Variants in DENND1A observed in about 807,000 individuals in gnomAD.
DENND1A encodes the protein DENN domain-containing protein 1A.
A neutral mutation model predicts 113.7 loss-of-function variants in DENND1A; 51 were observed. The observed-to-expected ratio is 0.45, with a 90% CI of 0.36 to 0.57. The LOEUF (loss-of-function observed/expected upper bound fraction) is 0.57, where lower values mean the gene tolerates loss of function less well. Ranked by LOEUF, DENND1A falls within the 20% of genes least tolerant of loss-of-function variation. DENND1A has a pLI of 0.00. For synonymous variants in DENND1A, 565 were observed against 570.8 expected (o/e 0.99, Z 0.14); for missense variants, 1,258 against 1,395.9 (o/e 0.90, Z 1.57).
At chr9:123,714,181 A>G (rs2066819676) in intron 5 of DENND1A, among the ~76,000 whole-genome samples, 1 of 152,238 alleles carries the variant, frequency 6.6e-6, no homozygotes, top group African/African-American at 2.4e-5. Flanking sequence ...GGCTGGGACT[A>G]GCGTCCTCTC....
intron 1 of DENND1A, among the ~76,000 whole-genome samples, chr9:123,923,247 G>C (rs932653498): frequency 5.9e-5 from 9 of 152,190 alleles, no homozygotes; most frequent in African/African-American, 2.2e-4. Flanking sequence ...TGACTACAAT[G>C]GCTAAGAAAA....
intron 1 of DENND1A, among the ~76,000 whole-genome samples, chr9:123,907,750 T>C (rs1217240826): frequency 2.1e-5 from 3 of 142,622 alleles, no homozygotes. Flanking sequence ...AGAATCAATA[T>C]CGTGAAAATG....
chr9:123,488,022 C>A (rs545049982), intron 13 of DENND1A, among the ~76,000 whole-genome samples: 1 of 152,346 alleles, frequency 6.6e-6, no homozygotes, highest in East Asian at 1.9e-4. Flanking sequence ...CACAGACATC[C>A]AGCCAGCAGC....
chr9:123,734,986 C>T (rs982435994), intron 5 of DENND1A, among the ~76,000 whole-genome samples: 4 of 152,102 alleles, frequency 2.6e-5, no homozygotes, highest in African/African-American at 9.7e-5. Flanking sequence ...TGATTGCTCT[C>T]ATTACGTAGA....
intron 13 of DENND1A, among the ~76,000 whole-genome samples, chr9:123,546,467 G>A (rs965817516): frequency 2.0e-5 from 3 of 151,970 alleles, no homozygotes; most frequent in Non-Finnish European, 4.4e-5. Context: ...CAGGAGAATG[G>A]TGTGAACCTG....
intron 2 of DENND1A, among the ~76,000 whole-genome samples, chr9:123,847,842 G>A (rs946659987): frequency 2.0e-5 from 3 of 152,212 alleles, no homozygotes; most frequent in Non-Finnish European, 4.4e-5. Flanking sequence ...AGCTGAGGCA[G>A]GAGAATTGTT....
chr9:123,519,957 T>C (rs1308378808), intron 13 of DENND1A, among the ~76,000 whole-genome samples: 1 of 151,798 alleles, frequency 6.6e-6, no homozygotes, highest in Non-Finnish European at 1.5e-5. Flanking sequence ...CCCTGGAGTT[T>C]GAAACCAGCC....
chr9:123,470,583 C>A (rs182978215), intron 13 of DENND1A, among the ~76,000 whole-genome samples: 1 of 152,312 alleles, frequency 6.6e-6, no homozygotes, highest in East Asian at 1.9e-4. Flanking sequence ...ACGCAATCAG[C>A]CGCAGAACCC....
At chr9:123,693,672 C>T (rs2065313215) in intron 5 of DENND1A, among the ~76,000 whole-genome samples, 1 of 152,098 alleles carries the variant, frequency 6.6e-6, no homozygotes, top group South Asian at 2.1e-4. Flanking sequence ...CAATAGAGTT[C>T]CATGGACATG....
chr9:123,806,882 C>T (rs1835673115), intron 2 of DENND1A, among the ~76,000 whole-genome samples: 1 of 152,206 alleles, frequency 6.6e-6, no homozygotes, highest in African/African-American at 2.4e-5. Flanking sequence ...GTACCAAAAG[C>T]ATTATCAATG....
chr9:123,598,307 ACT>A (rs2059787471), intron 11 of DENND1A, among the ~76,000 whole-genome samples: 1 of 152,018 alleles, frequency 6.6e-6, no homozygotes, highest in Non-Finnish European at 1.5e-5. Flanking sequence ...AGGCTCAATA[ACT>A]CAGCCCCAAG....
rs1853429470 is a variant in DENND1A, at chr9:123,908,947, C to T, written c.17+20942G>A. Among the ~76,000 whole-genome samples the T allele has an allele frequency of 2.0e-5, 3 of 152,160 alleles. No individual in the cohort carries two copies. The South Asian group carries it at 6.2e-4, about 32-fold the overall frequency. On this transcript the variant is annotated intron_variant, in intron 1 of 23. Transcript: ENST00000394215. ...ACAATAGCAAAGACTTGGAACCAACCCAAATGTCCAACAATGATAGACTGG... is the reference window on the plus strand; with the variant it reads ...ACAATAGCAAAGACTTGGAACCAACTCAAATGTCCAACAATGATAGACTGG...
At chr9:123,580,797 C>T (rs2058851922) in intron 12 of DENND1A, among the ~76,000 whole-genome samples, 1 of 152,198 alleles carries the variant, frequency 6.6e-6, no homozygotes. Context: ...GATTCTCACA[C>T]CTCACAGGTC....
intron 2 of DENND1A, among the ~76,000 whole-genome samples, chr9:123,835,672 A>G (rs897869064): frequency 2.6e-5 from 4 of 151,966 alleles, no homozygotes; most frequent in African/African-American, 4.8e-5. Context: ...AAAAAAAAAA[A>G]AAAAGAAAAA....
chr9:123,381,770 G>A lies in DENND1A; in HGVS notation c.2875C>T (p.Gln959Ter). 6.6e-7 allele frequency: 1 copy of A among 1,511,910 alleles called. No individual in the cohort carries two copies. Among genetic ancestry groups the A allele is most frequent in the Non-Finnish European group, 8.8e-7 (1 of 1,130,816 alleles). 93.7% of individuals were successfully genotyped at this position (1,511,910 alleles called of 1,614,324 possible). A position where few individuals can be genotyped will look rare whatever the true frequency, so the allele number is the denominator to read the frequency against. Residue 959 changes from glutamine to a stop codon, truncating the protein, a stop_gained, in exon 24 of 24, where the codon CAG (glutamine) becomes TAG (stop). Transcript: ENST00000394215. LOFTEE classifies it high-confidence loss of function. The surrounding 1 kb of genome is among the most constrained non-coding windows in gnomAD (Gnocchi z 4.7). Reference protein sequence around the residue: ...SALSMPNLFGQMPMGTHTSPL... With the variant: ...SALSMPNLFG Reference sequence around the variant, plus strand: ...CTCGTGTGGGTGCCCATGGGCATCTGGCCAAAGAGGTTGGGCATGGAGAGG... The same window carrying A: ...CTCGTGTGGGTGCCCATGGGCATCTAGCCAAAGAGGTTGGGCATGGAGAGG...
intron 12 of DENND1A, among the ~76,000 whole-genome samples, chr9:123,571,200 C>T (rs75390696): frequency 0.071 from 10,795 of 152,202 alleles, 442 homozygotes; most frequent in Non-Finnish European, 0.089. Context: ...TGCTCATGTA[C>T]ATAAATCATC....
intron 21 of DENND1A, among the ~76,000 whole-genome samples, chr9:123,397,569 C>G (rs967774740): frequency 6.6e-6 from 1 of 152,188 alleles, no homozygotes. Flanking sequence ...ACAATGAGAT[C>G]CTCTGCAGTC....
chr9:123,459,239 T>C (rs547880817), intron 13 of DENND1A, among the ~76,000 whole-genome samples: 49 of 152,326 alleles, frequency 3.2e-4, no homozygotes, highest in Non-Finnish European at 6.8e-4. Flanking sequence ...TCAGCTGCTC[T>C]GGAGGACCTG....
At chr9:123,718,654 C>T (rs1183019902) in intron 5 of DENND1A, among the ~76,000 whole-genome samples, 1 of 152,176 alleles carries the variant, frequency 6.6e-6, no homozygotes, top group African/African-American at 2.4e-5. Flanking sequence ...AACACTGGAA[C>T]GATTCTCTTC....
Sources: allele counts gnomAD v4.1 joint callset (sites outside exome capture counted in the v4.1 genomes callset), GRCh38; gene constraint gnomAD v4.1.1; non-coding constraint Gnocchi (gnomAD v3.1); transcripts MANE v1.5; gene names NCBI Gene and HGNC (gene_info 2026-07-23, HGNC 2026-07-21).